The following CELA2A variants were observed in gnomAD, a reference collection of about 807,000 sequenced individuals.
CELA2A encodes chymotrypsin-like elastase family member 2A.
CELA2A carries 31 observed loss-of-function variants against 35.3 expected under a neutral mutation model. That is an observed-to-expected ratio of 0.88 (90% CI 0.66 to 1.19). CELA2A has a LOEUF of 1.19. Among genes scored for constraint, CELA2A ranks in the 50% most tolerant of loss-of-function variants. The pLI, the probability that CELA2A is intolerant of heterozygous loss-of-function variation, is 0.00. For synonymous variants in CELA2A, 150 were observed against 149.8 expected, an observed-to-expected ratio of 1.00 and a Z score of -0.01; for missense variants, 330 against 352.9, an observed-to-expected ratio of 0.94 and a Z score of 0.52.
chr1:15,464,546 C>T (rs904534059), intron 5 of CELA2A, among the ~76,000 whole-genome samples: 5 of 152,154 alleles, frequency 3.3e-5, no homozygotes, highest in Non-Finnish European at 5.9e-5. Context: ...TTCCTAATGA[C>T]ATAAACCCAT....
At position 15,467,517 on chromosome 1, in the gene CELA2A, T is replaced by C. The variant is rs762930708; in HGVS notation, c.771T>C (p.Asn257=). The change falls in exon 7 of 8, where the codon AAT becomes AAC. Residue 257 remains asparagine (N), a synonymous_variant. Transcript: ENST00000359621. ...CCTCCGTCTTCACGCGGGTCTCCAA[T>C]TACATCGACTGGATCAATTCGGTAA... The part of the protein sequence containing the change: ...HKPSVFTRVS[N]YIDWINSVIA... 2.5e-6 allele frequency: 4 copies of C among 1,614,016 alleles called. No individual in the cohort carries two copies. Among genetic ancestry groups the C allele is most frequent in the African/African-American group, 2.7e-5 (2 of 74,930 alleles).
intron 3 of CELA2A, 105 bp from the exon 4 acceptor site, chr1:15,462,628 C>A: frequency 7.1e-7 from 1 of 1,409,290 alleles, no homozygotes; most frequent in South Asian, 1.3e-5. Flanking sequence ...TCCCCAAGTC[C>A]CATCTAGTGG....
At chr1:15,464,525 T>C (rs1316772054) in intron 5 of CELA2A, among the ~76,000 whole-genome samples, 1 of 152,186 alleles carries the variant, frequency 6.6e-6, no homozygotes, top group African/African-American at 2.4e-5. Context: ...TTAATCACAT[T>C]ATGACATTTT....
At chr1:15,468,587 G>C (rs1427931441) in intron 7 of CELA2A, among the ~76,000 whole-genome samples, 2 of 152,040 alleles carry the variant, frequency 1.3e-5, no homozygotes, top group Non-Finnish European at 2.9e-5. Context: ...AGGGAGGATT[G>C]CTTGAGCCCA....
rs773491883 is a variant in CELA2A, at chr1:15,466,126, C to T, written c.621C>T (p.Gly207=). The T allele has an allele frequency of 9.3e-6, 15 of 1,613,764 alleles. No homozygotes were observed. The highest frequency in any genetic ancestry group is 3.3e-4 in the Middle Eastern group (2 of 6,080). Residue 207 remains glycine, a synonymous_variant, in exon 6 of 8, where the codon GGC becomes GGT. Coordinates refer to ENST00000359621, the MANE Select transcript of CELA2A (RefSeq NM_033440.3). ...GTATGATCTGTGCTGGGGGTGATGG[C>T]GTGATCTCCAGCTGCAACGTGAGTA... ...KTSMICAGGD[G]VISSCNGDSG...
chr1:15,460,677 TCTCA>T (rs1187296159), intron 2 of CELA2A, among the ~76,000 whole-genome samples: 3 of 151,622 alleles, frequency 2.0e-5, no homozygotes, highest in Admixed American at 6.6e-5. Context: ...AAAGACCTGG[TCTCA>T]CTCTGTTAAT....
At position 15,461,590 on chromosome 1, in the gene CELA2A, G is replaced by C. The variant is rs765741433; in HGVS notation, c.159G>C (p.Lys53Asn). 3.1e-6 allele frequency: 5 copies of C among 1,612,356 alleles called. No individual in the cohort carries two copies. In the African/African-American group the frequency reaches 6.7e-5, roughly 22 times the overall value. The change falls in exon 3 of 8, where the codon AAG (lysine) becomes AAC (asparagine). Residue 53 changes from lysine to asparagine, a missense_variant. Coordinates refer to ENST00000359621, the MANE Select transcript of CELA2A (RefSeq NM_033440.3). ...CCCTGCAGTACAGCTCCAATGGCAAGTGGTACCACACCTGCGGAGGGTCCC... is the reference window on the plus strand; with the variant it reads ...CCCTGCAGTACAGCTCCAATGGCAACTGGTACCACACCTGCGGAGGGTCCC... ...QVSLQYSSNG[K>N]WYHTCGGSLI...
At chr1:15,460,536 T>A (rs1338444378) in intron 2 of CELA2A, among the ~76,000 whole-genome samples, 29 of 152,004 alleles carry the variant, frequency 1.9e-4, no homozygotes, top group Non-Finnish European at 2.9e-5. Flanking sequence ...CCCTCCCCTC[T>A]GCTTGGCCGT....
intron 5 of CELA2A, among the ~76,000 whole-genome samples, chr1:15,465,279 G>C (rs1358597842): frequency 1.3e-5 from 2 of 152,018 alleles, no homozygotes; most frequent in Non-Finnish European, 2.9e-5. Context: ...CCTAAGCGCT[G>C]GGATTAGAGG....
chr1:15,467,966 C>T (rs1036710218), intron 7 of CELA2A, among the ~76,000 whole-genome samples: 9 of 151,888 alleles, frequency 5.9e-5, no homozygotes, highest in Non-Finnish European at 1.3e-4. Flanking sequence ...GTAGCGCACT[C>T]CTGTAATCCC....
chr1:15,462,218 C>T (rs145427726), intron 3 of CELA2A: 27 of 469,584 alleles, frequency 5.7e-5, no homozygotes, highest in African/African-American at 3.6e-4. Context: ...GCCGGGTCGG[C>T]GTGACTCCCT....
At chr1:15,465,768 A>G (rs1421845689) in intron 5 of CELA2A, 11 of 493,794 alleles carry the variant, frequency 2.2e-5, no homozygotes, top group African/African-American at 3.8e-5. Flanking sequence ...TGAAACCGGA[A>G]TCTCATAGAC....
intron 7 of CELA2A, among the ~76,000 whole-genome samples, chr1:15,470,891 T>G (rs1010308622): frequency 1.3e-5 from 2 of 152,180 alleles, no homozygotes; most frequent in African/African-American, 4.8e-5. Context: ...AAGTTGTCAT[T>G]GTTAACAGCT....
At chr1:15,471,788 G>A in intron 7 of CELA2A, among the ~76,000 whole-genome samples, 1 of 152,100 alleles carries the variant, frequency 6.6e-6, no homozygotes. Context: ...CCCTTTACAG[G>A]AAGACCCTAA....
chr1:15,460,651 C>CT (rs35179054), intron 2 of CELA2A, among the ~76,000 whole-genome samples: 118 of 144,916 alleles, frequency 8.1e-4, no homozygotes, highest in South Asian at 3.5e-3. Flanking sequence ...CCTTAAAGTT[C>CT]TTTTTTTTTT....
intron 5 of CELA2A, 43 bp from the exon 6 acceptor site, chr1:15,465,956 G>A: frequency 6.2e-7 from 1 of 1,609,104 alleles, no homozygotes; most frequent in Non-Finnish European, 8.5e-7. Flanking sequence ...CTTTTTCTCA[G>A]GAGTCCCTGC....
intron 2 of CELA2A, among the ~76,000 whole-genome samples, chr1:15,458,188 C>T (rs1052151065): frequency 7.2e-5 from 11 of 151,988 alleles, no homozygotes; most frequent in African/African-American, 1.9e-4. Flanking sequence ...TCATATAAGC[C>T]ATGCCCCATA....
At chr1:15,457,806 T>G (rs1708382117) in intron 2 of CELA2A, among the ~76,000 whole-genome samples, 1 of 152,196 alleles carries the variant, frequency 6.6e-6, no homozygotes. Context: ...AGACTACCTA[T>G]GCAAACATTC....
chr1:15,460,073 A>G (rs1427090691), intron 2 of CELA2A, among the ~76,000 whole-genome samples: 1 of 152,276 alleles, frequency 6.6e-6, no homozygotes, highest in Middle Eastern at 3.4e-3. Context: ...TAATTACAGT[A>G]TGAGTCACCC....
Sources: allele counts gnomAD v4.1 joint callset (sites outside exome capture counted in the v4.1 genomes callset), GRCh38; gene constraint gnomAD v4.1.1; transcripts MANE v1.5; gene names NCBI Gene and HGNC (gene_info 2026-07-23, HGNC 2026-07-21).